Variants in TTC23L observed in about 807,000 individuals in gnomAD.
TTC23L encodes tetratricopeptide repeat protein 23-like.
A neutral mutation model predicts 48.1 loss-of-function variants in TTC23L; 42 were observed. The ratio of observed to expected loss-of-function variants is 0.87; its 90% CI spans 0.68 to 1.13. The LOEUF is 1.13. TTC23L is among the 50% of genes most tolerant of loss of function. The pLI is 0.00. For synonymous variants in TTC23L, 159 were observed against 157.2 expected (o/e 1.01, Z -0.09); for missense variants, 391 against 421.0 (o/e 0.93, Z 0.62).
intron 9 of TTC23L, among the ~76,000 whole-genome samples, chr5:34,892,303 C>T (rs990684032): frequency 6.6e-6 from 1 of 152,138 alleles, no homozygotes; most frequent in Non-Finnish European, 1.5e-5. Flanking sequence ...TGCAAAAAAG[C>T]TAAAGTAGAA....
chr5:34,846,572 AAAAAATAT>A (rs1282819799), intron 3 of TTC23L, among the ~76,000 whole-genome samples: 3 of 108,968 alleles, frequency 2.8e-5, no homozygotes, highest in African/African-American at 1.5e-4. Flanking sequence ...AAAAAAAAAA[AAAAAATAT>A]ATATATATAT....
At chr5:34,923,682 C>T in the TTC23L span, among the ~76,000 whole-genome samples, 1 of 152,122 alleles carries the variant, frequency 6.6e-6, no homozygotes, top group Non-Finnish European at 1.5e-5. Context: ...GGTGGGATTG[C>T]AGTTGTGAGC....
At chr5:34,917,149 A>G in the TTC23L span, among the ~76,000 whole-genome samples, 1,030 of 152,334 alleles carry the variant, frequency 6.8e-3, 10 homozygotes, top group African/African-American at 0.024. Context: ...GAGAAAAAAA[A>G]ACCGATGAAA....
chr5:34,850,187 T>C (rs922758090), exon 4 of TTC23L: 1 of 1,613,838 alleles, frequency 6.2e-7, no homozygotes, highest in Non-Finnish European at 8.5e-7. Context: ...CTCTACAGAA[T>C]ACTCAAGCAA....
the TTC23L span, chr5:34,908,946 TA>T: frequency 6.2e-7 from 1 of 1,602,752 alleles, no homozygotes; most frequent in Non-Finnish European, 8.5e-7. Context: ...GGAAATCTTG[TA>T]TCTGTAGAAG....
At chr5:34,922,030 CCTTGGGT>C in the TTC23L span, 1 of 355,120 alleles carries the variant, frequency 2.8e-6, no homozygotes, top group African/African-American at 2.1e-5. Flanking sequence ...ATCTAGTTTA[CCTTGGGT>C]AGAATACCTA....
downstream of TTC23L, among the ~76,000 whole-genome samples, chr5:34,902,580 G>A (rs1763533925): frequency 2.0e-5 from 3 of 152,122 alleles, no homozygotes; most frequent in South Asian, 6.2e-4. Context: ...TAAAATCTAA[G>A]AATCAACCAG....
At chr5:34,922,647 G>C in the TTC23L span, 3 of 1,594,644 alleles carry the variant, frequency 1.9e-6, no homozygotes, top group Non-Finnish European at 2.6e-6. Flanking sequence ...TTTTGAAATA[G>C]TTGTGCAAAA....
intron 9 of TTC23L, among the ~76,000 whole-genome samples, chr5:34,891,092 T>C (rs909643598): frequency 6.6e-6 from 1 of 152,226 alleles, no homozygotes; most frequent in African/African-American, 2.4e-5. Context: ...TTAGCAGGTC[T>C]TAAATGCCCA....
At chr5:34,919,679 G>A in the TTC23L span, among the ~76,000 whole-genome samples, 1 of 152,052 alleles carries the variant, frequency 6.6e-6, no homozygotes, top group South Asian at 2.1e-4. Flanking sequence ...AGATTTTTGA[G>A]CGATTGTTTC....
At chr5:34,896,733 T>G in intron 9 of TTC23L, 37 bp from the exon 10 acceptor site, 1 of 766,850 alleles carries the variant, frequency 1.3e-6, no homozygotes, top group African/African-American at 1.7e-5. Flanking sequence ...TGGAAAACAC[T>G]TCATAGAGAG....
intron 4 of TTC23L, among the ~76,000 whole-genome samples, chr5:34,858,933 A>G (rs994655514): frequency 1.3e-5 from 2 of 152,376 alleles, no homozygotes; most frequent in African/African-American, 4.8e-5. Context: ...GTGTGAAAGC[A>G]AGGAACTCTA....
chr5:34,888,372 G>A (rs113918369), intron 9 of TTC23L: 24,612 of 430,084 alleles, frequency 0.057, 852 homozygotes, highest in South Asian at 0.1. Context: ...TCTCAGTTCC[G>A]CTGGTCCTTT....
chr5:34,924,843 A>G, the TTC23L span: 1 of 1,591,026 alleles, frequency 6.3e-7, no homozygotes, highest in Non-Finnish European at 8.6e-7. Flanking sequence ...CCTTTTTATT[A>G]AAGATCATAG....
chr5:34,919,771 G>T, the TTC23L span: 1 of 513,194 alleles, frequency 1.9e-6, no homozygotes, highest in Non-Finnish European at 3.5e-6. Flanking sequence ...GATAGCATAT[G>T]TGGTTTGATT....
the TTC23L span, chr5:34,905,524 T>C: frequency 6.6e-6 from 1 of 152,100 alleles, no homozygotes; most frequent in South Asian, 2.1e-4. Flanking sequence ...CTTTTATTAT[T>C]TTGAAGCATT....
At chr5:34,888,503 A>C in intron 9 of TTC23L, 2 of 985,260 alleles carry the variant, frequency 2.0e-6, no homozygotes, top group Non-Finnish European at 2.4e-6. Flanking sequence ...CAGTAGAAGT[A>C]GGGAGACAAA....
At chr5:34,901,584 G>C (rs375248135), downstream of TTC23L, among the ~76,000 whole-genome samples, 1 of 152,108 alleles carries the variant, frequency 6.6e-6, no homozygotes, top group Admixed American at 6.6e-5. Flanking sequence ...CCAACATGGA[G>C]AAACCCTGTC....
the TTC23L span, chr5:34,925,459 A>C: frequency 6.2e-7 from 1 of 1,613,858 alleles, no homozygotes. Context: ...GGCAAAGAAA[A>C]ATGAAACAGA....
Sources: gnomAD v4.1 joint callset for allele counts (sites outside exome capture counted in the v4.1 genomes callset) on GRCh38, gnomAD v4.1.1 for gene constraint, MANE v1.5 for transcripts, NCBI Gene and HGNC (gene_info 2026-07-23, HGNC 2026-07-21) for gene names.